CACNB4: variants seen among roughly 807,000 people sequenced by gnomAD.
CACNB4 encodes the protein voltage-dependent L-type calcium channel subunit beta-4.
Under a neutral mutation model 71.2 loss-of-function variants are expected in CACNB4, and 32 were observed. That is an observed-to-expected ratio of 0.45 (90% CI 0.34 to 0.60). The LOEUF (loss-of-function observed/expected upper bound fraction) is 0.60. Ranked by LOEUF, CACNB4 falls within the 20% of genes least tolerant of loss-of-function variation. The pLI, the probability that CACNB4 is intolerant of heterozygous loss-of-function variation, is 0.01. For missense variants in CACNB4, 464 were observed against 647.9 expected (o/e 0.72, Z 3.08); for synonymous variants, 231 against 236.9 (o/e 0.97, Z 0.23).
intron 2 of CACNB4, among the ~76,000 whole-genome samples, chr2:152,095,739 C>T (rs976669491): frequency 6.6e-6 from 1 of 152,180 alleles, no homozygotes; most frequent in African/African-American, 2.4e-5. Context: ...GCAACCTCCA[C>T]CGCCTAGGTT....
chr2:151,879,733 A>T (rs1456209635), intron 4 of CACNB4: 2 of 152,236 alleles, frequency 1.3e-5, no homozygotes, highest in Non-Finnish European at 2.9e-5. Flanking sequence ...TAAGATTACC[A>T]GCTCAATGTC....
At chr2:152,012,983 T>C (rs1021955685) in intron 2 of CACNB4, among the ~76,000 whole-genome samples, 2 of 152,208 alleles carry the variant, frequency 1.3e-5, no homozygotes, top group Admixed American at 6.5e-5. Flanking sequence ...TTTAATCTCT[T>C]ACACCATACT....
In CACNB4 at chr2:151,935,573, A is replaced by G. The variant is rs1465857611; in HGVS notation, c.148-52203T>C. Among the ~76,000 whole-genome samples, 3 of 152,344 alleles carry G rather than the reference A, an allele frequency of 2.0e-5. No individual in the cohort carries two copies. In the East Asian group the frequency reaches 5.8e-4, roughly 29 times the overall value. ...ACCTAGCGAAGCACACTGTGTTACT[A>G]TAACTAAATTTTTAGAAACAATCAT... is the stretch of plus-strand genomic sequence containing the variant. On this transcript the variant is annotated intron_variant, in intron 2 of 13. Coordinates refer to ENST00000539935, the MANE Select transcript of CACNB4 (RefSeq NM_000726.5).
rs1230985489 is a variant in CACNB4, at chr2:151,838,673, T to C, written c.*446A>G. On this transcript the variant is annotated 3_prime_UTR_variant, in exon 14 of 14. Coordinates refer to ENST00000539935, the MANE Select transcript of CACNB4 (RefSeq NM_000726.5). ...TTCGATTTTCTTATTAGTTTTTTTT[T>C]TTTCCCCCCAGATTTTTCAGTTGAT... 1.3e-5 allele frequency: 2 copies of C among 152,558 alleles called. No individual in the cohort carries two copies. Among genetic ancestry groups the C allele is most frequent in the East Asian group, 3.9e-4 (2 of 5,110 alleles). 9.5% of individuals were successfully genotyped at this position (152,558 alleles called of 1,614,324 possible).
chr2:152,018,223 G>A (rs1683456685), intron 2 of CACNB4, among the ~76,000 whole-genome samples: 1 of 152,044 alleles, frequency 6.6e-6, no homozygotes, highest in Non-Finnish European at 1.5e-5. Flanking sequence ...TGGGCTGGAG[G>A]AATTAGGGAC....
chr2:151,935,042 T>C (rs775198601), intron 2 of CACNB4, among the ~76,000 whole-genome samples: 32 of 152,358 alleles, frequency 2.1e-4, no homozygotes, highest in East Asian at 5.8e-4. Context: ...CAGAGATCTG[T>C]GTACCTTCCT....
At chr2:151,917,137 G>A (rs2099857733) in intron 2 of CACNB4, among the ~76,000 whole-genome samples, 2 of 152,208 alleles carry the variant, frequency 1.3e-5, no homozygotes, top group South Asian at 4.1e-4. Flanking sequence ...AAGGCAGCTA[G>A]GATGTGGGGG....
intron 2 of CACNB4, among the ~76,000 whole-genome samples, chr2:152,030,248 TAAGAC>T (rs1254908253): frequency 6.6e-6 from 1 of 152,224 alleles, no homozygotes; most frequent in East Asian, 1.9e-4. Context: ...ACATGTTTGT[TAAGAC>T]AAAAGAAACA....
At position 151,836,566 on chromosome 2, in the gene CACNB4, T is replaced by C. The variant is rs1301070168; in HGVS notation, c.*2553A>G. The C allele has an allele frequency of 6.6e-6, 1 of 151,894 alleles. No homozygotes were observed. The highest frequency in any genetic ancestry group is 2.4e-5 in the African/African-American group (1 of 41,432). The allele number at this position is 151,894 out of a possible 1,614,324, so 9.4% of individuals were successfully genotyped here. On this transcript the variant is annotated 3_prime_UTR_variant, in exon 14 of 14. Transcript: ENST00000539935. ...TTTAAATATATCCATCAATAAAATA[T>C]ACATTATACCCTTTCCAAGATTGTC... is the stretch of plus-strand genomic sequence containing the variant.
intron 2 of CACNB4, among the ~76,000 whole-genome samples, chr2:151,981,344 AATGC>A (rs10577717): frequency 0.97 from 147,165 of 152,150 alleles, 71,194 homozygotes; most frequent in East Asian, 0.99. Flanking sequence ...CCTCCATCAT[AATGC>A]ATGCAGCCTA....
intron 13 of CACNB4, among the ~76,000 whole-genome samples, chr2:151,840,905 A>T (rs892226756): frequency 2.6e-5 from 4 of 152,204 alleles, no homozygotes; most frequent in African/African-American, 9.6e-5. Context: ...ATGAATGGTA[A>T]ATAATAATTG....
rs769094547 is a variant in CACNB4, at chr2:151,855,275, T to C, written c.969A>G (p.Ile323Met). Residue 323 changes from isoleucine to methionine, a missense_variant, in exon 11 of 14, where the codon ATA becomes ATG. By Grantham distance (10) the Ile-to-Met change is conservative. Coordinates refer to ENST00000539935, the MANE Select transcript of CACNB4 (RefSeq NM_000726.5). Reference protein sequence around the residue: ...ADTINHPAQLIKTSLAPIIVH... With the variant: ...ADTINHPAQLMKTSLAPIIVH... Reference sequence around the variant, plus strand: ...CAATAATTGGTGCTAAGGAAGTCTTTATAAGTTGTGCTGGGTGATTGATGG... The same window carrying C: ...CAATAATTGGTGCTAAGGAAGTCTTCATAAGTTGTGCTGGGTGATTGATGG... 57 of 1,587,342 alleles carry C rather than the reference T, an allele frequency of 3.6e-5. No homozygotes were observed. Among genetic ancestry groups the C allele is most frequent in the Non-Finnish European group, 4.7e-5 (54 of 1,159,340 alleles).
At chr2:152,062,704 G>A (rs1686087442) in intron 2 of CACNB4, among the ~76,000 whole-genome samples, 1 of 152,094 alleles carries the variant, frequency 6.6e-6, no homozygotes, top group Non-Finnish European at 1.5e-5. Context: ...CTCCCATCAT[G>A]GCAAGACAGA....
At chr2:152,015,246 C>T (rs35802014) in intron 2 of CACNB4, among the ~76,000 whole-genome samples, 65,465 of 151,860 alleles carry the variant, frequency 0.43, 16,153 homozygotes, top group Non-Finnish European at 0.57. Flanking sequence ...GATTCTCCTG[C>T]CTCAGCCTCC....
intron 2 of CACNB4, among the ~76,000 whole-genome samples, chr2:151,899,595 C>A (rs2099852884): frequency 6.6e-6 from 1 of 152,082 alleles, no homozygotes; most frequent in South Asian, 2.1e-4. Flanking sequence ...ATTTTATTGT[C>A]TTTATTAAGT....
chr2:152,033,743 G>A (rs1055942110), intron 2 of CACNB4, among the ~76,000 whole-genome samples: 1 of 152,206 alleles, frequency 6.6e-6, no homozygotes, highest in Non-Finnish European at 1.5e-5. Context: ...GTGTGAGAAA[G>A]TGGGAAGGAG....
At chr2:151,975,550 T>C (rs1256943746) in intron 2 of CACNB4, among the ~76,000 whole-genome samples, 1 of 152,106 alleles carries the variant, frequency 6.6e-6, no homozygotes, top group Non-Finnish European at 1.5e-5. Context: ...AGGGGATGAG[T>C]GCAGTCAACG....
intron 2 of CACNB4, among the ~76,000 whole-genome samples, chr2:152,055,403 G>C (rs1191403087): frequency 6.6e-6 from 1 of 152,072 alleles, no homozygotes; most frequent in Non-Finnish European, 1.5e-5. Context: ...TTGGTTACTT[G>C]TGCTTCAGTG....
intron 2 of CACNB4, among the ~76,000 whole-genome samples, chr2:152,025,915 A>C (rs1683939790): frequency 6.6e-6 from 1 of 152,214 alleles, no homozygotes; most frequent in South Asian, 2.1e-4. Context: ...AAAACGTCAG[A>C]GCTGTGAAGA....
Sources: gnomAD v4.1 joint callset for allele counts (sites outside exome capture counted in the v4.1 genomes callset) on GRCh38, gnomAD v4.1.1 for gene constraint, MANE v1.5 for transcripts, NCBI Gene and HGNC (gene_info 2026-07-23, HGNC 2026-07-21) for gene names.